Variants in RARB observed in about 807,000 individuals in gnomAD.
RARB encodes retinoic acid receptor beta.
A neutral mutation model predicts 51.9 loss-of-function variants in RARB; 17 were observed. That is an observed-to-expected ratio of 0.33 (90% CI 0.22 to 0.49). The LOEUF (loss-of-function observed/expected upper bound fraction) is 0.49. Ranked by LOEUF, RARB falls within the 20% of genes least tolerant of loss-of-function variation. The pLI, the probability that RARB is intolerant of heterozygous loss-of-function variation, is 0.99. For synonymous variants in RARB, 215 were observed against 195.4 expected, an observed-to-expected ratio of 1.10 and a Z score of -0.84; for missense variants, 369 against 550.8, an observed-to-expected ratio of 0.67 and a Z score of 3.30.
intron 5 of RARB, among the ~76,000 whole-genome samples, chr3:25,181,036 T>C (rs1173936166): frequency 1.3e-5 from 2 of 152,120 alleles, no homozygotes; most frequent in Non-Finnish European, 2.9e-5. Flanking sequence ...TGCTCAGTGG[T>C]GGGGCTGGGC....
chr3:25,118,040 G>A (rs1199492515), intron 3 of RARB, among the ~76,000 whole-genome samples: 2 of 152,132 alleles, frequency 1.3e-5, no homozygotes, highest in Non-Finnish European at 2.9e-5. Context: ...AAGATAGGAG[G>A]CAAACATGAT....
At chr3:25,335,259 C>CTT (rs199933543) in intron 5 of RARB, among the ~76,000 whole-genome samples, 9,202 of 142,876 alleles carry the variant, frequency 0.064, 292 homozygotes, top group African/African-American at 0.091. Flanking sequence ...TTATCACTCT[C>CTT]TTATGTCTCT....
At chr3:24,930,781 G>A (rs1225175523) in intron 2 of RARB, among the ~76,000 whole-genome samples, 2 of 152,218 alleles carry the variant, frequency 1.3e-5, no homozygotes, top group Middle Eastern at 3.4e-3. Context: ...GGCCAAGACA[G>A]AAGGATTGCC....
intron 3 of RARB, among the ~76,000 whole-genome samples, chr3:25,106,791 TGAAAA>T (rs998208699): frequency 6.6e-6 from 1 of 152,138 alleles, no homozygotes; most frequent in Admixed American, 6.6e-5. Flanking sequence ...CATCAGCTAT[TGAAAA>T]GAACAATTAT....
At chr3:25,019,748 C>G (rs1042349751) in intron 2 of RARB, among the ~76,000 whole-genome samples, 1 of 152,082 alleles carries the variant, frequency 6.6e-6, no homozygotes, top group African/African-American at 2.4e-5. Context: ...TACTTTGCTA[C>G]TTAGGAAGAT....
At chr3:25,039,233 G>C (rs147279121) in intron 2 of RARB, among the ~76,000 whole-genome samples, 2 of 152,290 alleles carry the variant, frequency 1.3e-5, no homozygotes, top group South Asian at 2.1e-4. Context: ...AGGCAGAGGC[G>C]AAGTGGGAAG....
chr3:24,980,362 T>C (rs1008653092), intron 2 of RARB, among the ~76,000 whole-genome samples: 1 of 152,292 alleles, frequency 6.6e-6, no homozygotes, highest in African/African-American at 2.4e-5. Context: ...TCCTGAAGGG[T>C]GTTTTCTAAC....
At position 25,248,297 on chromosome 3, in the gene RARB, G is replaced by A. The variant is rs998066746; in HGVS notation, c.178+73722G>A. ...TGAGTTTCTTGTAAGCAGCATATAG[G>A]TGGATCATGTTTTTAAAATTCATTT... On this transcript the variant is annotated intron_variant, in intron 5 of 11. Coordinates refer to the RARB transcript ENST00000383772. Among the ~76,000 whole-genome samples, 8 of 152,166 alleles carry A rather than the reference G, an allele frequency of 5.3e-5. No individual in the cohort carries two copies. In the South Asian group the frequency reaches 6.2e-4, roughly 12 times the overall value.
At chr3:25,382,219 C>A (rs1204481222) in intron 5 of RARB, among the ~76,000 whole-genome samples, 1 of 152,108 alleles carries the variant, frequency 6.6e-6, no homozygotes, top group Admixed American at 6.5e-5. Context: ...ACTAGATGAT[C>A]CAAATGTAGA....
chr3:24,928,532 TTTTG>T (rs1695367105), intron 2 of RARB, among the ~76,000 whole-genome samples: 1 of 152,056 alleles, frequency 6.6e-6, no homozygotes. Context: ...GATTATTCCT[TTTTG>T]TTCTGTAATC....
At chr3:25,403,380 T>C (rs1256434821) in intron 5 of RARB, among the ~76,000 whole-genome samples, 1 of 152,134 alleles carries the variant, frequency 6.6e-6, no homozygotes, top group East Asian at 1.9e-4. Flanking sequence ...CCCATAAATA[T>C]ATATACTTAC....
intron 2 of RARB, among the ~76,000 whole-genome samples, chr3:25,046,370 G>A (rs1002647767): frequency 6.6e-6 from 1 of 152,188 alleles, no homozygotes; most frequent in African/African-American, 2.4e-5. Flanking sequence ...GCAATTTTAA[G>A]ATCTATTGAA....
At chr3:25,013,924 G>A (rs1415193329) in intron 2 of RARB, among the ~76,000 whole-genome samples, 6 of 152,080 alleles carry the variant, frequency 3.9e-5, no homozygotes, top group Admixed American at 3.9e-4. Flanking sequence ...ACTGAAAAGT[G>A]TCGGATAGTA....
intron 5 of RARB, among the ~76,000 whole-genome samples, chr3:25,380,741 T>G (rs1706600857): frequency 6.6e-6 from 1 of 152,170 alleles, no homozygotes; most frequent in Non-Finnish European, 1.5e-5. Flanking sequence ...CAACTGGAGT[T>G]CAAAACCCAA....
intron 5 of RARB, among the ~76,000 whole-genome samples, chr3:25,258,442 G>A (rs1322029055): frequency 6.6e-6 from 1 of 152,044 alleles, no homozygotes; most frequent in Non-Finnish European, 1.5e-5. Context: ...GCTGCTGGGA[G>A]GTTTGCTTGA....
chr3:25,058,339 C>G (rs1227868819), intron 2 of RARB, among the ~76,000 whole-genome samples: 1 of 151,736 alleles, frequency 6.6e-6, no homozygotes, highest in Non-Finnish European at 1.5e-5. Context: ...TGGTGAAATT[C>G]AGGGAACATT....
intron 2 of RARB, among the ~76,000 whole-genome samples, chr3:24,985,819 G>A (rs981319413): frequency 7.9e-5 from 12 of 152,230 alleles, no homozygotes; most frequent in Non-Finnish European, 1.5e-5. Context: ...GCTGAGGCCT[G>A]TGCCTGCTGC....
At chr3:25,024,253 T>C (rs1697697634) in intron 2 of RARB, among the ~76,000 whole-genome samples, 1 of 152,200 alleles carries the variant, frequency 6.6e-6, no homozygotes, top group South Asian at 2.1e-4. Context: ...TTTGAAAGGA[T>C]TGTTTGATTT....
intron 3 of RARB, among the ~76,000 whole-genome samples, chr3:25,549,638 C>T (rs995277200): frequency 1.3e-5 from 2 of 151,948 alleles, no homozygotes; most frequent in African/African-American, 4.8e-5. Context: ...TTCTGAGCAC[C>T]TCATTTTAAG....
Sources: gnomAD v4.1 joint callset for allele counts (sites outside exome capture counted in the v4.1 genomes callset) on GRCh38, gnomAD v4.1.1 for gene constraint, MANE v1.5 for transcripts, NCBI Gene and HGNC (gene_info 2026-07-23, HGNC 2026-07-21) for gene names.